Variants in SLC24A3 observed in about 807,000 individuals in gnomAD.
SLC24A3 encodes solute carrier family 24 member 3, also known as sodium/potassium/calcium exchanger 3.
In SLC24A3, 28 loss-of-function variants were observed where a neutral mutation model predicts 75.8. The ratio of observed to expected loss-of-function variants is 0.37; its 90% CI spans 0.27 to 0.51. SLC24A3 has a LOEUF of 0.51. Among genes scored for constraint, SLC24A3 ranks in the 20% least tolerant of loss-of-function variants. The pLI is 0.94. For missense variants in SLC24A3, 663 were observed against 847.8 expected (o/e 0.78, Z 2.71); for synonymous variants, 372 against 334.1 (o/e 1.11, Z -1.24).
chr20:19,227,101 TGA>T (rs1981889739), intron 1 of SLC24A3, among the ~76,000 whole-genome samples: 1 of 152,242 alleles, frequency 6.6e-6, no homozygotes, highest in South Asian at 2.1e-4. Flanking sequence ...CAGCAGTGTT[TGA>T]GAGAGCTCAA....
At chr20:19,481,876 C>G (rs1988060079) in intron 2 of SLC24A3, among the ~76,000 whole-genome samples, 1 of 152,090 alleles carries the variant, frequency 6.6e-6, no homozygotes, top group South Asian at 2.1e-4. Flanking sequence ...ATCTTGGGCT[C>G]TAGACCTAGT....
chr20:19,613,432 T>C (rs1473587863), intron 6 of SLC24A3, among the ~76,000 whole-genome samples: 1 of 152,206 alleles, frequency 6.6e-6, no homozygotes, highest in Non-Finnish European at 1.5e-5. Context: ...GGCACTTCTA[T>C]TATTTTTTTA....
At chr20:19,709,601 G>A (rs558397776) in intron 15 of SLC24A3, among the ~76,000 whole-genome samples, 41 of 152,116 alleles carry the variant, frequency 2.7e-4, no homozygotes, top group African/African-American at 9.6e-4. Flanking sequence ...CAGCCTGGGT[G>A]ACACAGCAAG....
intron 12 of SLC24A3, among the ~76,000 whole-genome samples, chr20:19,687,293 T>G (rs2032688018): frequency 6.6e-6 from 1 of 152,162 alleles, no homozygotes; most frequent in Admixed American, 6.5e-5. Flanking sequence ...CCTGGATGTG[T>G]GGAGCTCTTC....
chr20:19,227,012 C>G (rs2122141422), intron 1 of SLC24A3, among the ~76,000 whole-genome samples: 1 of 152,326 alleles, frequency 6.6e-6, no homozygotes, highest in South Asian at 2.1e-4. Context: ...ATTTCAGCAT[C>G]AAAAGGCATG....
intron 2 of SLC24A3, among the ~76,000 whole-genome samples, chr20:19,421,523 A>G (rs538791867): frequency 6.6e-6 from 1 of 152,350 alleles, no homozygotes; most frequent in South Asian, 2.1e-4. Flanking sequence ...AGCCTGAACA[A>G]GGGCTTCAGT....
chr20:19,631,818 GTGTGTA>G (rs909152421), intron 6 of SLC24A3, among the ~76,000 whole-genome samples: 25 of 151,854 alleles, frequency 1.6e-4, no homozygotes, highest in African/African-American at 4.6e-4. Flanking sequence ...GTGTGTGTGT[GTGTGTA>G]TGTAACCACA....
At chr20:19,340,877 A>G (rs139230145) in intron 2 of SLC24A3, among the ~76,000 whole-genome samples, 46 of 152,314 alleles carry the variant, frequency 3.0e-4, no homozygotes, top group African/African-American at 8.7e-4. Flanking sequence ...TGCAGATCAC[A>G]TGTTATCCCC....
chr20:19,599,729 C>A (rs1477662297), intron 6 of SLC24A3, among the ~76,000 whole-genome samples: 1 of 152,150 alleles, frequency 6.6e-6, no homozygotes, highest in Admixed American at 6.5e-5. Context: ...CTTTCTGATA[C>A]CATTTCCTGA....
chr20:19,297,425 C>G (rs1984087803), intron 2 of SLC24A3, among the ~76,000 whole-genome samples: 1 of 152,184 alleles, frequency 6.6e-6, no homozygotes, highest in Non-Finnish European at 1.5e-5. Context: ...CTCAGGAACC[C>G]CAGCTCAGCA....
intron 2 of SLC24A3, among the ~76,000 whole-genome samples, chr20:19,393,661 G>A (rs12233278): frequency 0.14 from 20,959 of 152,000 alleles, 2,162 homozygotes; most frequent in East Asian, 0.33. Flanking sequence ...AGGAAGGCAA[G>A]AGATTTGTCC....
chr20:19,315,459 A>G (rs572556923), intron 2 of SLC24A3, among the ~76,000 whole-genome samples: 1 of 152,326 alleles, frequency 6.6e-6, no homozygotes, highest in African/African-American at 2.4e-5. Context: ...GAAAGAGGCA[A>G]GATTTGTGCT....
intron 6 of SLC24A3, among the ~76,000 whole-genome samples, chr20:19,607,710 C>T (rs2031615511): frequency 6.6e-6 from 1 of 152,238 alleles, no homozygotes; most frequent in Non-Finnish European, 1.5e-5. Flanking sequence ...GCACCATACA[C>T]TCCAGACCTC....
At chr20:19,265,319 T>C (rs1321973873) in intron 1 of SLC24A3, among the ~76,000 whole-genome samples, 1 of 152,212 alleles carries the variant, frequency 6.6e-6, no homozygotes, top group Non-Finnish European at 1.5e-5. Flanking sequence ...CCCAGGGCTC[T>C]TAGAGCTTTA....
chr20:19,426,429 T>G (rs1600476372), intron 2 of SLC24A3, among the ~76,000 whole-genome samples: 1 of 152,256 alleles, frequency 6.6e-6, no homozygotes, highest in Non-Finnish European at 1.5e-5. Context: ...TTCAATTGTT[T>G]ATATACAACT....
chr20:19,452,856 A>T (rs898812729), intron 2 of SLC24A3, among the ~76,000 whole-genome samples: 5 of 152,032 alleles, frequency 3.3e-5, no homozygotes, highest in African/African-American at 1.2e-4. Context: ...CTCTACAAAA[A>T]ATAATAATAC....
intron 2 of SLC24A3, among the ~76,000 whole-genome samples, chr20:19,425,315 A>AAT (rs199950555): frequency 6.0e-5 from 9 of 151,162 alleles, no homozygotes; most frequent in Middle Eastern, 3.4e-3. Context: ...AAAAAAAAAA[A>AAT]TTAATTACTG....
intron 2 of SLC24A3, among the ~76,000 whole-genome samples, chr20:19,430,966 G>T (rs751195256): frequency 2.9e-5 from 4 of 137,434 alleles, no homozygotes; most frequent in African/African-American, 1.2e-4. Flanking sequence ...TCTGCACAAG[G>T]TCATGTCCTC....
intron 2 of SLC24A3, among the ~76,000 whole-genome samples, chr20:19,364,480 G>A (rs1985849028): frequency 6.6e-6 from 1 of 151,198 alleles, no homozygotes; most frequent in Non-Finnish European, 1.5e-5. Flanking sequence ...TCTTGAGATA[G>A]GGTGTCACTC....
Sources: allele counts gnomAD v4.1 joint callset (sites outside exome capture counted in the v4.1 genomes callset), GRCh38; gene constraint gnomAD v4.1.1; transcripts MANE v1.5; gene names NCBI Gene and HGNC (gene_info 2026-07-23, HGNC 2026-07-21).